The following WSB2 variants were observed in gnomAD, a reference collection of about 807,000 sequenced individuals.
The protein encoded by WSB2 is WD repeat and SOCS box-containing protein 2.
A neutral mutation model predicts 48.8 loss-of-function variants in WSB2; 12 were observed. That is an observed-to-expected ratio of 0.25 (90% confidence interval 0.16 to 0.40). The LOEUF (loss-of-function observed/expected upper bound fraction) is 0.40, where lower values mean the gene tolerates loss of function less well. Ranked by LOEUF, WSB2 falls within the 10% of genes least tolerant of loss-of-function variation. WSB2 has a pLI of 1.00. For missense variants in WSB2, 317 were observed against 506.2 expected (o/e 0.63, Z 3.59); for synonymous variants, 191 against 203.1 (o/e 0.94, Z 0.51).
chr12:118,036,136 A>C, intron 6 of WSB2: 1 of 520,298 alleles, frequency 1.9e-6, no homozygotes, highest in South Asian at 2.8e-5. Flanking sequence ...CGGGAGGTGG[A>C]GGTTGCAGTG....
At position 118,060,386 on chromosome 12, in the gene WSB2, C is replaced by T. The variant is rs563142758; in HGVS notation, c.13+650G>A. Among the ~76,000 whole-genome samples the T allele has an allele frequency of 2.0e-5, 3 of 152,290 alleles. No homozygotes were observed. The South Asian group carries it at 6.2e-4, about 32-fold the overall frequency. ...CCTAAATTTGCCTGATCATACATGTCACCAGGGATCAGCGTCTCCAGTCCC... is the reference window on the plus strand; with the variant it reads ...CCTAAATTTGCCTGATCATACATGTTACCAGGGATCAGCGTCTCCAGTCCC... On this transcript the variant is annotated intron_variant, in intron 1 of 8. Coordinates refer to ENST00000315436, the MANE Select transcript of WSB2 (RefSeq NM_018639.5). The surrounding 1 kb of genome is among the most constrained non-coding windows in gnomAD (Gnocchi z 4.1).
At chr12:118,038,119 T>G in intron 5 of WSB2, 169 bp downstream of exon 5, 1 of 521,096 alleles carries the variant, frequency 1.9e-6, no homozygotes, top group Non-Finnish European at 3.3e-6. Flanking sequence ...TTTGGGTTCG[T>G]GTTAAAGTGC....
chr12:118,043,061 G>A lies in WSB2; in HGVS notation c.427+72C>T, dbSNP rs1241013126. On this transcript the variant is annotated intron_variant, in intron 3 of 8. Coordinates refer to ENST00000315436, the MANE Select transcript of WSB2 (RefSeq NM_018639.5). ...CACACCCCTTGGCCAACGTGAGTGG[G>A]GCAGGGAGGCGACATAGTCAGAACA... 21 of 1,613,576 alleles carry A rather than the reference G, an allele frequency of 1.3e-5. No individual in the cohort carries two copies. In the Admixed American group the frequency reaches 3.3e-4, roughly 26 times the overall value.
chr12:118,055,780 A>G (rs368402513), intron 1 of WSB2, among the ~76,000 whole-genome samples: 35 of 151,550 alleles, frequency 2.3e-4, no homozygotes, highest in African/African-American at 1.5e-4. Context: ...ACACCCAGCT[A>G]ATTTTTGTAT....
Position 118,043,392 on chromosome 12 carries a change from G to A in WSB2, c.183-15C>T, listed in dbSNP as rs752281745. On this transcript the variant is annotated splice_polypyrimidine_tract_variant and intron_variant, in intron 2 of 8. Transcript: ENST00000315436. ...CTTTAGGGATGCTGGGAGAAGCAGA[G>A]ATTTCTTAATGAATCTGCAATTGTT... 10 of 1,526,094 alleles carry A rather than the reference G, an allele frequency of 6.6e-6. No homozygotes were observed. The South Asian group carries it at 7.9e-5, about 12-fold the overall frequency. The allele number at this position is 1,526,094 out of a possible 1,614,324, so 94.5% of individuals were successfully genotyped here. A position where few individuals can be genotyped will look rare whatever the true frequency, so the allele number is the denominator to read the frequency against.
chr12:118,038,137 A>G, intron 5 of WSB2, 151 bp downstream of exon 5: 1 of 604,246 alleles, frequency 1.7e-6, no homozygotes, highest in South Asian at 2.6e-5. Context: ...TGCAAGTCAC[A>G]AGGGACTTTT....
At chr12:118,058,522 C>G (rs542465267) in intron 1 of WSB2, among the ~76,000 whole-genome samples, 2 of 151,446 alleles carry the variant, frequency 1.3e-5, no homozygotes, top group African/African-American at 4.9e-5. Context: ...GCCTATAGTT[C>G]GGTATTTTTT....
upstream of WSB2, chr12:118,062,010 G>A: frequency 1.6e-6 from 2 of 1,284,118 alleles, no homozygotes; most frequent in South Asian, 1.4e-5. Context: ...GGTGGGGAGA[G>A]GAGGGCAGGG....
chr12:118,036,640 C>T (rs2031518094), intron 5 of WSB2, 130 bp from the exon 6 acceptor site: 1 of 939,448 alleles, frequency 1.1e-6, no homozygotes, highest in East Asian at 2.5e-5. Flanking sequence ...CCCTTTTCTA[C>T]AGCTCTTCCA....
At chr12:118,048,882 AACCG>A (rs1328884398) in intron 2 of WSB2, among the ~76,000 whole-genome samples, 3 of 152,118 alleles carry the variant, frequency 2.0e-5, no homozygotes, top group Non-Finnish European at 4.4e-5. Context: ...AGCTTTCCCC[AACCG>A]ACACATGCTC....
At position 118,034,056 on chromosome 12, in the gene WSB2, T is replaced by A; in HGVS notation, c.*140A>T. 3.4e-6 allele frequency: 4 copies of A among 1,159,638 alleles called. No individual in the cohort carries two copies. In the South Asian group the frequency reaches 5.8e-5, roughly 17 times the overall value. 71.8% of individuals were successfully genotyped at this position (1,159,638 alleles called of 1,614,324 possible). A position where few individuals can be genotyped will look rare whatever the true frequency, so the allele number is the denominator to read the frequency against. Reference sequence around the variant, plus strand: ...AAGATCCATGACTAGTACACTGGAATCTGGTTTTGCTACATTCTATTCACA... The same window carrying A: ...AAGATCCATGACTAGTACACTGGAAACTGGTTTTGCTACATTCTATTCACA... On this transcript the variant is annotated 3_prime_UTR_variant, in exon 9 of 9. Transcript: ENST00000315436.
chr12:118,057,399 C>T (rs917586670), intron 1 of WSB2, among the ~76,000 whole-genome samples: 7 of 151,918 alleles, frequency 4.6e-5, no homozygotes, highest in Non-Finnish European at 8.8e-5. Flanking sequence ...CTCAGCCTCC[C>T]GAGTAGCTAG....
At chr12:118,056,453 C>T (rs183522155) in intron 1 of WSB2, among the ~76,000 whole-genome samples, 1 of 152,314 alleles carries the variant, frequency 6.6e-6, no homozygotes, top group Admixed American at 6.5e-5. Context: ...ACCATTTGAT[C>T]GCCATCTGTC....
At chr12:118,055,641 G>T (rs1211895571) in intron 1 of WSB2, among the ~76,000 whole-genome samples, 2 of 115,230 alleles carry the variant, frequency 1.7e-5, no homozygotes, top group Non-Finnish European at 3.3e-5. Flanking sequence ...TTGAGATGGA[G>T]TCTCACTCTG....
intron 2 of WSB2, among the ~76,000 whole-genome samples, chr12:118,050,913 G>A (rs887440270): frequency 1.3e-5 from 2 of 151,956 alleles, no homozygotes; most frequent in African/African-American, 4.8e-5. Flanking sequence ...TTATCTAGGC[G>A]TGGTGGTATG....
chr12:118,059,856 T>G (rs1055987130), intron 1 of WSB2, among the ~76,000 whole-genome samples: 4 of 152,268 alleles, frequency 2.6e-5, no homozygotes, highest in Middle Eastern at 3.4e-3. Flanking sequence ...AATGCCTGAC[T>G]TCAGCAAACA....
Position 118,060,930 on chromosome 12 carries a change from CCCCGCCCCACCCCGCCCAG to C in WSB2, c.13+87_13+105del. 2.1e-6 allele frequency: 1 copy of C among 470,090 alleles called. No homozygotes were observed. The highest frequency in any genetic ancestry group is 8.5e-5 in the South Asian group (1 of 11,760). 29.1% of individuals were successfully genotyped at this position (470,090 alleles called of 1,614,324 possible). A position where few individuals can be genotyped will look rare whatever the true frequency, so the allele number is the denominator to read the frequency against. The stretch of plus-strand genomic sequence containing the variant: ...GCCGGACGCCCCCGCCGCGTCCAGC[CCCCGCCCCACCCCGCCCAG>C]CCCGCCCCGGGGTCGCCTCCCCCCT... On this transcript the variant is annotated intron_variant, in intron 1 of 8. Transcript: ENST00000315436. This position sits in a 1 kb window ranked among gnomAD's most constrained non-coding sequence, Gnocchi z 4.1.
chr12:118,051,435 A>G (rs2031850983), intron 2 of WSB2, among the ~76,000 whole-genome samples: 1 of 152,256 alleles, frequency 6.6e-6, no homozygotes, highest in South Asian at 2.1e-4. Context: ...GATGCAATAA[A>G]AGGAAATGAA....
chr12:118,051,182 A>C (rs2031845362), intron 2 of WSB2, among the ~76,000 whole-genome samples: 1 of 152,258 alleles, frequency 6.6e-6, no homozygotes. Context: ...GATAATAAAA[A>C]AAGACAGACA....
Sources: allele counts gnomAD v4.1 joint callset (sites outside exome capture counted in the v4.1 genomes callset), GRCh38; gene constraint gnomAD v4.1.1; non-coding constraint Gnocchi (gnomAD v3.1); transcripts MANE v1.5; gene names NCBI Gene and HGNC (gene_info 2026-07-23, HGNC 2026-07-21).